USP4: variants seen among roughly 807,000 people sequenced by gnomAD.
USP4 encodes the protein ubiquitin carboxyl-terminal hydrolase 4.
USP4 carries 72 observed loss-of-function variants against 118.2 expected under a neutral mutation model. The observed-to-expected ratio is 0.61, with a 90% CI of 0.50 to 0.74. The LOEUF (loss-of-function observed/expected upper bound fraction) is 0.74, where lower values mean the gene tolerates loss of function less well. Among genes scored for constraint, USP4 ranks in the 30% least tolerant of loss-of-function variants. USP4 has a pLI of 0.00. For missense variants in USP4, 1,037 were observed against 1,185.7 expected (o/e 0.87, Z 1.84); for synonymous variants, 415 against 440.4 (o/e 0.94, Z 0.72).
chr3:49,317,441 GC>G, intron 6 of USP4: 6 of 864,770 alleles, frequency 6.9e-6, no homozygotes, highest in Non-Finnish European at 1.2e-5. Context: ...TAGTTCTGCA[GC>G]GCCATGCCCT....
intron 6 of USP4, among the ~76,000 whole-genome samples, chr3:49,323,219 G>A (rs957459060): frequency 6.8e-6 from 1 of 147,884 alleles, no homozygotes; most frequent in Admixed American, 6.9e-5. Flanking sequence ...CGCCCACCTC[G>A]GCCTCCCAAA....
Position 49,277,874 on chromosome 3 carries a change from C to G in USP4, c.*419G>C. 1 of 355,144 alleles carries G rather than the reference C, an allele frequency of 2.8e-6. No homozygotes were observed. The highest frequency in any genetic ancestry group is 5.0e-6 in the Non-Finnish European group (1 of 199,894). The allele number at this position is 355,144 out of a possible 1,614,324, so 22.0% of individuals were successfully genotyped here. A position where few individuals can be genotyped will look rare whatever the true frequency, so the allele number is the denominator to read the frequency against. On this transcript the variant is annotated 3_prime_UTR_variant, in exon 22 of 22. Coordinates refer to ENST00000265560, the MANE Select transcript of USP4 (RefSeq NM_003363.4). ...TACTTGAGGTTTGGGTTACTGTGAG[C>G]AGACTACTTGGGGTGACTAGTATTG...
chr3:49,294,222 T>C (rs2047179890), intron 14 of USP4, among the ~76,000 whole-genome samples, 185 bp downstream of exon 14: 1 of 152,166 alleles, frequency 6.6e-6, no homozygotes, highest in South Asian at 2.1e-4. Flanking sequence ...TGACCTCAGG[T>C]GATCTGCCCG....
intron 5 of USP4, 41 bp downstream of exon 5, chr3:49,324,853 G>A (rs752611591): frequency 6.2e-7 from 1 of 1,613,902 alleles, no homozygotes; most frequent in Non-Finnish European, 8.5e-7. Context: ...CACACACCCT[G>A]GGCAGAGCTA....
intron 6 of USP4, among the ~76,000 whole-genome samples, chr3:49,316,539 G>A (rs1055449354): frequency 1.2e-4 from 18 of 151,914 alleles, no homozygotes; most frequent in Non-Finnish European, 1.9e-4. Flanking sequence ...GGCTAGTCTC[G>A]AACTCCTGGC....
At position 49,302,342 on chromosome 3, in the gene USP4, C is replaced by T. The variant is rs1181468763; in HGVS notation, c.1287+42G>A. 6.9e-6 allele frequency: 11 copies of T among 1,600,556 alleles called. No individual in the cohort carries two copies. The Admixed American group carries it at 1.7e-4, about 25-fold the overall frequency. On this transcript the variant is annotated intron_variant, in intron 10 of 21. Transcript: ENST00000265560. ...TCCCTGCACTCTCAATAGGAGGCAG[C>T]TTCTTTGGCATATTATCATTCAGAC...
chr3:49,327,918 G>A (rs765443564), intron 2 of USP4, 102 bp from the exon 3 acceptor site: 118 of 1,207,268 alleles, frequency 9.8e-5, no homozygotes, highest in Non-Finnish European at 1.3e-4. Flanking sequence ...ATTATTTACA[G>A]AAAGAAACAG....
At chr3:49,336,960 T>C (rs2047674408) in intron 1 of USP4, among the ~76,000 whole-genome samples, 2 of 152,080 alleles carry the variant, frequency 1.3e-5, no homozygotes, top group Non-Finnish European at 2.9e-5. Context: ...CCCACTTCAG[T>C]TTTCCTTTAA....
At chr3:49,318,712 C>G (rs2047467343) in intron 6 of USP4, 1 of 647,448 alleles carries the variant, frequency 1.5e-6, no homozygotes, top group Admixed American at 6.3e-5. Context: ...AGTTCGAGAC[C>G]AGCCTGGCCA....
At position 49,283,977 on chromosome 3, in the gene USP4, C is replaced by T. The variant is rs1368544993; in HGVS notation, c.2540+10G>A. On this transcript the variant is annotated intron_variant, in intron 19 of 21. Coordinates refer to ENST00000265560, the MANE Select transcript of USP4 (RefSeq NM_003363.4). ...TAAATGTTCCTAACACTGTAGTCAC[C>T]ATGACCCACCTGATTGGGAATTCTA... is the stretch of plus-strand genomic sequence containing the variant. The T allele has an allele frequency of 6.2e-7, 1 of 1,614,046 alleles. No individual in the cohort carries two copies. Among genetic ancestry groups the T allele is most frequent in the African/African-American group, 1.3e-5 (1 of 74,944 alleles).
Position 49,327,907 on chromosome 3 carries a change from A to G in USP4, c.230-91T>C. On this transcript the variant is annotated intron_variant, in intron 2 of 21. Coordinates refer to ENST00000265560, the MANE Select transcript of USP4 (RefSeq NM_003363.4). ...TCCATGTACTTTTCAGAAATAAGAA[A>G]ATTATTTACAGAAAGAAACAGGAAT... 3 of 1,283,934 alleles carry G rather than the reference A, an allele frequency of 2.3e-6. No homozygotes were observed. The South Asian group carries it at 4.3e-5, about 18-fold the overall frequency. 79.5% of individuals were successfully genotyped at this position (1,283,934 alleles called of 1,614,324 possible).
At chr3:49,325,360 GT>G (rs920802280) in intron 4 of USP4, among the ~76,000 whole-genome samples, 48 of 145,766 alleles carry the variant, frequency 3.3e-4, no homozygotes, top group Admixed American at 5.5e-4. Flanking sequence ...GCTGCGATTT[GT>G]TTTTTTTTTT....
intron 8 of USP4, among the ~76,000 whole-genome samples, chr3:49,307,095 G>A (rs1047964025): frequency 1.3e-5 from 2 of 151,998 alleles, no homozygotes; most frequent in African/African-American, 4.8e-5. Context: ...AAAACCCAAG[G>A]GTTATCTAAT....
At chr3:49,311,435 G>A (rs2047381537) in intron 7 of USP4, 79 bp downstream of exon 7, 1 of 1,510,948 alleles carries the variant, frequency 6.6e-7, no homozygotes, top group Non-Finnish European at 9.0e-7. Context: ...ATGCTTAGTG[G>A]AGCAGCAGAT....
intron 12 of USP4, 110 bp from the exon 13 acceptor site, chr3:49,298,074 C>A: frequency 1.3e-6 from 1 of 742,966 alleles, no homozygotes. Flanking sequence ...CAAATGTTGC[C>A]TCTAGAGAAA....
chr3:49,298,446 C>T, intron 12 of USP4, 106 bp downstream of exon 12: 2 of 987,748 alleles, frequency 2.0e-6, no homozygotes, highest in Admixed American at 3.5e-5. Flanking sequence ...CACATTTGTG[C>T]TGGCAATAAC....
rs557648382 is a variant in USP4 at position 49,307,773 on chromosome 3, C to T, written c.955-1885G>A. On this transcript the variant is annotated intron_variant, in intron 8 of 21. Transcript: ENST00000265560. ...AGCCTGGGCATCATAAGTGAGACCC[C>T]GTTTCCACAAAACAAAACAAAACAA... is the stretch of plus-strand genomic sequence containing the variant. Among the ~76,000 whole-genome samples, 4 of 151,672 alleles carry T rather than the reference C, an allele frequency of 2.6e-5. No homozygotes were observed. The East Asian group carries it at 5.8e-4, about 22-fold the overall frequency.
At chr3:49,330,171 A>AAAAC (rs112008342) in intron 2 of USP4, among the ~76,000 whole-genome samples, 111,065 of 148,424 alleles carry the variant, frequency 0.75, 41,895 homozygotes, top group East Asian at 0.96. Flanking sequence ...ACTCTGTCTC[A>AAAAC]AAACAAACAA....
intron 8 of USP4, among the ~76,000 whole-genome samples, chr3:49,307,185 T>C (rs1255880203): frequency 6.6e-6 from 1 of 152,126 alleles, no homozygotes; most frequent in African/African-American, 2.4e-5. Flanking sequence ...TGGTAGTTCA[T>C]ACCTGTAATC....
Sources: allele counts gnomAD v4.1 joint callset (sites outside exome capture counted in the v4.1 genomes callset), GRCh38; gene constraint gnomAD v4.1.1; transcripts MANE v1.5; gene names NCBI Gene and HGNC (gene_info 2026-07-23, HGNC 2026-07-21).